Variants in DMD observed in about 807,000 individuals in gnomAD.
DMD encodes dystrophin.
Under a neutral mutation model 330.1 loss-of-function variants are expected in DMD, and 63 were observed. The ratio of observed to expected loss-of-function variants is 0.19; its 90% CI spans 0.16 to 0.24. DMD has a LOEUF of 0.24. DMD is among the 10% of genes least tolerant of loss of function. The pLI is 1.00. For missense variants in DMD, 3,344 were observed against 2,684.1 expected (o/e 1.25, Z -5.43); for synonymous variants, 1,223 against 959.8 (o/e 1.27, Z -5.07).
chrX:31,865,377 T>A (rs1048681912), intron 48 of DMD, among the ~76,000 whole-genome samples: 1 of 112,189 alleles, frequency 8.9e-6, no homozygotes, highest in South Asian at 3.7e-4. Context: ...CCACTGATAT[T>A]TTCATATCCA....
chrX:32,938,132 T>C (rs1328664129), intron 2 of DMD, among the ~76,000 whole-genome samples: 1 of 111,527 alleles, frequency 9.0e-6, no homozygotes, highest in East Asian at 2.8e-4. Flanking sequence ...TACTGATCTT[T>C]CCACTCTCTT....
chrX:32,665,855 A>C (rs1304490988), intron 9 of DMD, among the ~76,000 whole-genome samples: 1 of 111,853 alleles, frequency 8.9e-6, no homozygotes, highest in Non-Finnish European at 1.9e-5. Flanking sequence ...GGGAATTGAC[A>C]GTCAAACCAT....
Position 32,636,673 on chromosome X carries a change from A to T in DMD, c.1331+7459T>A, listed in dbSNP as rs1334146457. The stretch of plus-strand genomic sequence containing the variant: ...AACATAAATTCAGTTTAGTAACAAT[A>T]ACATAAAGAAGCTGCGTGGCTGGAT... On this transcript the variant is annotated intron_variant, in intron 11 of 78. Coordinates refer to ENST00000357033, the MANE Select transcript of DMD (RefSeq NM_004006.3). Among the ~76,000 whole-genome samples the T allele has an allele frequency of 1.3e-4, 14 of 111,878 alleles. No individual in the cohort carries two copies. The Admixed American group carries it at 1.3e-3, about 11-fold the overall frequency.
intron 60 of DMD, among the ~76,000 whole-genome samples, chrX:31,412,173 G>T (rs1369197508): frequency 4.9e-5 from 4 of 82,357 alleles, no homozygotes; most frequent in African/African-American, 1.0e-4. Context: ...GTGACAGAGC[G>T]AGACTCTTGT....
intron 61 of DMD, among the ~76,000 whole-genome samples, chrX:31,344,038 G>C (rs1602015459): frequency 2.5e-5 from 1 of 39,791 alleles, no homozygotes; most frequent in Admixed American, 2.3e-4. Flanking sequence ...ATTGGAGTGC[G>C]GGGGGGGGTG....
intron 67 of DMD, among the ~76,000 whole-genome samples, chrX:31,202,297 C>T (rs1569458511): frequency 1.8e-5 from 2 of 112,113 alleles, no homozygotes; most frequent in Admixed American, 9.4e-5. Flanking sequence ...ACCTAGATTG[C>T]CTGTGGCCAT....
chrX:32,580,059 C>A (rs2053493601), intron 13 of DMD, among the ~76,000 whole-genome samples: 1 of 107,131 alleles, frequency 9.3e-6, no homozygotes, highest in Admixed American at 1.0e-4. Context: ...CTCTCCAGCT[C>A]CCACCAGTCT....
chrX:31,869,185 A>G (rs2093848797), intron 48 of DMD, among the ~76,000 whole-genome samples: 1 of 111,403 alleles, frequency 9.0e-6, no homozygotes, highest in Admixed American at 9.6e-5. Context: ...CTTCCAGCTA[A>G]TCACACTTAA....
intron 18 of DMD, among the ~76,000 whole-genome samples, chrX:32,511,439 T>G (rs1464974372): frequency 9.8e-6 from 1 of 101,826 alleles, no homozygotes; most frequent in Non-Finnish European, 2.0e-5. Flanking sequence ...GGAGAATCGC[T>G]TGAACCCGGG....
chrX:32,502,112 G>T (rs375551991), intron 18 of DMD, among the ~76,000 whole-genome samples: 2 of 110,812 alleles, frequency 1.8e-5, no homozygotes, highest in African/African-American at 6.6e-5. Context: ...ACATTTCAAC[G>T]CAAGACTGCA....
chrX:32,750,500 G>T (rs765875497), intron 7 of DMD, among the ~76,000 whole-genome samples: 7 of 111,230 alleles, frequency 6.3e-5, no homozygotes, highest in Non-Finnish European at 1.3e-4. Context: ...CTATAAATCA[G>T]ATACCTGTAT....
At position 31,641,980 on chromosome X, in the gene DMD, A is replaced by C. The variant is rs765274270; in HGVS notation, c.8028-14118T>G. 2.0e-3 allele frequency among the ~76,000 whole-genome samples: 225 copies of C among 111,903 alleles called. 1 individual carries two copies. Among genetic ancestry groups the C allele is most frequent in the African/African-American group, 7.1e-3 (219 of 30,937 alleles). Reference sequence around the variant, plus strand: ...GGTTTCTCCTTTAAGATTGGTCAACAATCTGAGTACTATGAGCAACACTTC... The same window carrying C: ...GGTTTCTCCTTTAAGATTGGTCAACCATCTGAGTACTATGAGCAACACTTC... On this transcript the variant is annotated intron_variant, in intron 54 of 78. Transcript: ENST00000357033.
At chrX:32,630,378 T>C (rs2058650741) in intron 11 of DMD, among the ~76,000 whole-genome samples, 1 of 110,627 alleles carries the variant, frequency 9.0e-6, no homozygotes, top group Admixed American at 9.6e-5. Context: ...CCTTGACCTT[T>C]GGAAGTTTGA....
intron 77 of DMD, 94 bp from the exon 78 acceptor site, chrX:31,126,767 C>A (rs2033734280): frequency 2.6e-4 from 104 of 406,411 alleles, no homozygotes; most frequent in Non-Finnish European, 3.2e-4. Context: ...CTTCTTTTAC[C>A]AAACAAATGT....
chrX:32,671,722 C>G (rs1388389758), intron 9 of DMD, among the ~76,000 whole-genome samples: 1 of 111,944 alleles, frequency 8.9e-6, no homozygotes, highest in Non-Finnish European at 1.9e-5. Context: ...TCATTTTATT[C>G]AGCTTATTAA....
At chrX:31,318,086 G>C (rs2148248145) in intron 62 of DMD, among the ~76,000 whole-genome samples, 1 of 112,245 alleles carries the variant, frequency 8.9e-6, no homozygotes, top group Admixed American at 9.4e-5. Context: ...AAGAATGAGA[G>C]CAAGATATGC....
rs1346293339 is a variant in DMD, at chrX:32,176,561, A to AATGT, written c.6438+40351_6438+40354dup. 2.8e-4 allele frequency among the ~76,000 whole-genome samples: 31 copies of AATGT among 111,898 alleles called. No homozygotes were observed. The Admixed American group carries it at 2.9e-3, about 11-fold the overall frequency. On this transcript the variant is annotated intron_variant, in intron 44 of 78. Transcript: ENST00000357033. ...AAGCATTATTATATCATTTTATTAAAATGTATTCATATCAGTAAAGTGGGG... is the reference window on the plus strand; with the variant it reads ...AAGCATTATTATATCATTTTATTAAAATGTATGTATTCATATCAGTAAAGTGGGG...
intron 55 of DMD, among the ~76,000 whole-genome samples, chrX:31,529,677 C>T (rs1040994241): frequency 1.8e-5 from 2 of 111,996 alleles, no homozygotes; most frequent in Non-Finnish European, 3.8e-5. Context: ...CAGAGAAAGG[C>T]CAGTGGTTCA....
intron 1 of DMD, among the ~76,000 whole-genome samples, chrX:33,086,455 T>C (rs1156969587): frequency 9.0e-6 from 1 of 111,715 alleles, no homozygotes; most frequent in Non-Finnish European, 1.9e-5. Flanking sequence ...AAGCAACACC[T>C]GTTAATAACA....
Sources: gnomAD v4.1 joint callset for allele counts (sites outside exome capture counted in the v4.1 genomes callset) on GRCh38, gnomAD v4.1.1 for gene constraint, MANE v1.5 for transcripts, NCBI Gene and HGNC (gene_info 2026-07-23, HGNC 2026-07-21) for gene names.